The following SLC44A5 variants were observed in gnomAD, a reference collection of about 807,000 sequenced individuals.
The protein encoded by SLC44A5 is choline transporter-like protein 5.
SLC44A5 carries 57 observed loss-of-function variants against 101.8 expected under a neutral mutation model. The observed-to-expected ratio is 0.56, with a 90% CI of 0.45 to 0.70. SLC44A5 has a LOEUF of 0.70. Among genes scored for constraint, SLC44A5 ranks in the 30% least tolerant of loss-of-function variants. The pLI, the probability that SLC44A5 is intolerant of heterozygous loss-of-function variation, is 0.00. For missense variants in SLC44A5, 737 were observed against 853.1 expected (o/e 0.86, Z 1.70); for synonymous variants, 281 against 290.9 (o/e 0.97, Z 0.35).
At chr1:75,453,149 T>C (rs952345931) in intron 2 of SLC44A5, among the ~76,000 whole-genome samples, 5 of 152,020 alleles carry the variant, frequency 3.3e-5, no homozygotes, top group African/African-American at 1.2e-4. Flanking sequence ...CATAAAGCAG[T>C]CTCAATAAAT....
intron 3 of SLC44A5, among the ~76,000 whole-genome samples, chr1:75,361,629 C>T (rs1426846091): frequency 6.6e-6 from 1 of 151,960 alleles, no homozygotes; most frequent in Non-Finnish European, 1.5e-5. Flanking sequence ...CTTCATTCTG[C>T]TAATGTAGGG....
At chr1:75,426,857 G>C (rs1664340479) in intron 2 of SLC44A5, among the ~76,000 whole-genome samples, 1 of 152,202 alleles carries the variant, frequency 6.6e-6, no homozygotes, top group South Asian at 2.1e-4. Context: ...CAGCGGTATG[G>C]AGCTTCCAGG....
At chr1:75,255,798 A>G (rs541066437) in intron 6 of SLC44A5, among the ~76,000 whole-genome samples, 2 of 152,272 alleles carry the variant, frequency 1.3e-5, no homozygotes, top group Admixed American at 6.5e-5. Flanking sequence ...ATCATGATGT[A>G]TGTGAATTCT....
intron 3 of SLC44A5, among the ~76,000 whole-genome samples, chr1:75,367,283 A>T (rs1372490366): frequency 6.6e-6 from 1 of 152,194 alleles, no homozygotes; most frequent in Admixed American, 6.5e-5. Flanking sequence ...CTGGGTCCAC[A>T]GTGGGATCTG....
chr1:75,425,481 T>G (rs1463275014), intron 2 of SLC44A5, among the ~76,000 whole-genome samples: 1 of 152,182 alleles, frequency 6.6e-6, no homozygotes, highest in Non-Finnish European at 1.5e-5. Flanking sequence ...AGAGGAACAC[T>G]GTCAGCAATC....
chr1:75,677,592 T>G, the SLC44A5 span: 35 of 288,216 alleles, frequency 1.2e-4, 2 homozygotes, highest in Admixed American at 1.7e-3. Context: ...ACAAAACAAC[T>G]GGAAAACTAA....
intron 3 of SLC44A5, among the ~76,000 whole-genome samples, chr1:75,350,927 G>T (rs945361084): frequency 1.3e-5 from 2 of 150,346 alleles, no homozygotes; most frequent in Admixed American, 6.6e-5. Context: ...AAAGAAAAAG[G>T]TTGAAACAAA....
At chr1:75,622,679 T>C in the SLC44A5 span, among the ~76,000 whole-genome samples, 1 of 152,064 alleles carries the variant, frequency 6.6e-6, no homozygotes, top group Admixed American at 6.6e-5. Flanking sequence ...TTGTGTATAA[T>C]CCACCGTTAA....
the SLC44A5 span, among the ~76,000 whole-genome samples, chr1:75,616,333 G>A: frequency 6.6e-6 from 1 of 152,030 alleles, no homozygotes; most frequent in Non-Finnish European, 1.5e-5. Context: ...CTACTGGAAA[G>A]ACAACGGTGG....
At chr1:75,590,796 A>T (rs76122305) in intron 1 of SLC44A5, among the ~76,000 whole-genome samples, 1 of 152,052 alleles carries the variant, frequency 6.6e-6, no homozygotes, top group Admixed American at 6.5e-5. Flanking sequence ...TAAATAGAAA[A>T]TCAGATAGAT....
At chr1:75,614,579 A>T (rs934108185), upstream of SLC44A5, among the ~76,000 whole-genome samples, 1 of 152,190 alleles carries the variant, frequency 6.6e-6, no homozygotes, top group African/African-American at 2.4e-5. Flanking sequence ...AGCTCCCACA[A>T]GCCAGACTTG....
At chr1:75,368,939 A>G (rs1660042520) in intron 3 of SLC44A5, among the ~76,000 whole-genome samples, 1 of 152,160 alleles carries the variant, frequency 6.6e-6, no homozygotes, top group African/African-American at 2.4e-5. Context: ...CCTAGCAGGT[A>G]TACATCTCTC....
the SLC44A5 span, among the ~76,000 whole-genome samples, chr1:75,700,357 CA>C: frequency 6.6e-6 from 1 of 151,752 alleles, no homozygotes. Flanking sequence ...GAAACTCACT[CA>C]AAACCGCTCA....
rs1557637911 is a variant in SLC44A5, at chr1:75,300,041, AT to A, written c.175+570del. ...AAAAAAAAAAAAAAAAAAAAAAAAAATTTCAAATAAAGAGTCTCCATACTTC... is the reference window on the plus strand; with the variant it reads ...AAAAAAAAAAAAAAAAAAAAAAAAAATTCAAATAAAGAGTCTCCATACTTC... On this transcript the variant is annotated intron_variant, in intron 5 of 23. Coordinates refer to ENST00000370859, the MANE Select transcript of SLC44A5 (RefSeq NM_001130058.2). 3.5e-5 allele frequency among the ~76,000 whole-genome samples: 5 copies of A among 144,412 alleles called. 2 individuals carry two copies. Among genetic ancestry groups the A allele is most frequent in the African/African-American group, 1.0e-4 (4 of 39,226 alleles). The allele number at this position is 144,412 out of a possible 152,430, so 94.7% of individuals were successfully genotyped here.
intron 2 of SLC44A5, among the ~76,000 whole-genome samples, chr1:75,485,357 G>A (rs1008432737): frequency 6.6e-6 from 1 of 152,316 alleles, no homozygotes; most frequent in African/African-American, 2.4e-5. Context: ...TGAATTCAAA[G>A]TTCCATGTCT....
At chr1:75,652,148 G>A in the SLC44A5 span, among the ~76,000 whole-genome samples, 1 of 152,294 alleles carries the variant, frequency 6.6e-6, no homozygotes, top group South Asian at 2.1e-4. Flanking sequence ...TAAACACACT[G>A]TACATGCAGC....
At chr1:75,531,385 G>A (rs193117100) in intron 2 of SLC44A5, among the ~76,000 whole-genome samples, 467 of 152,286 alleles carry the variant, frequency 3.1e-3, no homozygotes, top group Non-Finnish European at 3.8e-3. Flanking sequence ...AAATATGCTT[G>A]AGAAAAAGCT....
intron 2 of SLC44A5, among the ~76,000 whole-genome samples, chr1:75,425,667 A>G (rs1570241934): frequency 1.3e-5 from 2 of 152,320 alleles, no homozygotes; most frequent in South Asian, 2.1e-4. Context: ...CAGCCCCTAC[A>G]TGGATTCCTC....
chr1:75,691,576 G>A, the SLC44A5 span, among the ~76,000 whole-genome samples: 3 of 152,268 alleles, frequency 2.0e-5, no homozygotes, highest in Admixed American at 2.0e-4. Context: ...GGGAAAATCT[G>A]AGTAACAATA....
Sources: allele counts gnomAD v4.1 joint callset (sites outside exome capture counted in the v4.1 genomes callset), GRCh38; gene constraint gnomAD v4.1.1; transcripts MANE v1.5; gene names NCBI Gene and HGNC (gene_info 2026-07-23, HGNC 2026-07-21).